SIPA1L1: variants seen among roughly 807,000 people sequenced by gnomAD.
SIPA1L1 encodes the protein signal-induced proliferation-associated 1-like protein 1.
In SIPA1L1, 26 loss-of-function variants were observed where a neutral mutation model predicts 162.7. The observed-to-expected ratio is 0.16, with a 90% CI of 0.12 to 0.22. SIPA1L1 has a LOEUF of 0.22. Among genes scored for constraint, SIPA1L1 ranks in the 10% least tolerant of loss-of-function variants. SIPA1L1 has a pLI of 1.00. For synonymous variants in SIPA1L1, 829 were observed against 837.4 expected, an observed-to-expected ratio of 0.99 and a Z score of 0.17; for missense variants, 1,874 against 2,241.0, an observed-to-expected ratio of 0.84 and a Z score of 3.31.
At chr14:71,666,904 T>G (rs2044065483) in intron 10 of SIPA1L1, among the ~76,000 whole-genome samples, 1 of 150,904 alleles carries the variant, frequency 6.6e-6, no homozygotes, top group Non-Finnish European at 1.5e-5. Flanking sequence ...TTTGCAAGCT[T>G]CAGCTGAGAA....
chr14:71,658,492 C>A (rs1003909947), intron 9 of SIPA1L1, 56 bp downstream of exon 9: 1 of 1,124,312 alleles, frequency 8.9e-7, no homozygotes. Flanking sequence ...CCTCTAGAAG[C>A]CTAAGTGGCA....
intron 2 of SIPA1L1, among the ~76,000 whole-genome samples, chr14:71,466,046 C>T (rs774239736): frequency 1.3e-5 from 2 of 152,196 alleles, no homozygotes; most frequent in Non-Finnish European, 2.9e-5. Context: ...TGGCAGCACC[C>T]TCACAGACAC....
At chr14:71,517,894 G>C (rs552580328) in intron 3 of SIPA1L1, among the ~76,000 whole-genome samples, 12 of 152,058 alleles carry the variant, frequency 7.9e-5, no homozygotes, top group Non-Finnish European at 1.6e-4. Context: ...CTTATATTTT[G>C]TTGATATGAT....
chr14:71,605,905 G>C (rs1408244872), intron 5 of SIPA1L1, among the ~76,000 whole-genome samples: 1 of 152,146 alleles, frequency 6.6e-6, no homozygotes, highest in African/African-American at 2.4e-5. Context: ...ACAGTTGTTG[G>C]AGTCCTGGGC....
intron 2 of SIPA1L1, among the ~76,000 whole-genome samples, chr14:71,429,847 T>C (rs995898095): frequency 2.6e-5 from 4 of 152,236 alleles, no homozygotes; most frequent in Admixed American, 6.5e-5. Context: ...GCTAGTTTTA[T>C]TCATTGCACT....
chr14:71,386,951 T>C (rs1035211250), intron 2 of SIPA1L1, among the ~76,000 whole-genome samples: 1 of 151,988 alleles, frequency 6.6e-6, no homozygotes, highest in Non-Finnish European at 1.5e-5. Flanking sequence ...TGGATAGATA[T>C]TAAAAGAAAG....
intron 5 of SIPA1L1, among the ~76,000 whole-genome samples, chr14:71,603,705 G>A (rs548017309): frequency 5.9e-5 from 9 of 151,806 alleles, no homozygotes; most frequent in African/African-American, 1.2e-4. Context: ...GGTGGATCAC[G>A]AGGTCAGGAG....
At chr14:71,390,688 A>G (rs576673953) in intron 2 of SIPA1L1, among the ~76,000 whole-genome samples, 110 of 152,210 alleles carry the variant, frequency 7.2e-4, no homozygotes, top group Admixed American at 6.0e-3. Flanking sequence ...GGGAGGCAGG[A>G]ATGGGAGGAT....
chr14:71,372,534 T>C (rs550970985), intron 2 of SIPA1L1, among the ~76,000 whole-genome samples: 1 of 152,314 alleles, frequency 6.6e-6, no homozygotes, highest in East Asian at 1.9e-4. Flanking sequence ...TAAATATTCA[T>C]GTACATTCTG....
intron 4 of SIPA1L1, among the ~76,000 whole-genome samples, chr14:71,543,992 TAC>T (rs146237984): frequency 0.031 from 4,615 of 150,554 alleles, 247 homozygotes; most frequent in African/African-American, 0.11. Flanking sequence ...CATGTATATA[TAC>T]ACACACGCAC....
chr14:71,553,590 A>G (rs564608113), intron 4 of SIPA1L1, among the ~76,000 whole-genome samples: 50 of 152,358 alleles, frequency 3.3e-4, no homozygotes, highest in African/African-American at 1.1e-3. Context: ...AGGAAATGCT[A>G]ACAGTATAAT....
intron 4 of SIPA1L1, among the ~76,000 whole-genome samples, chr14:71,549,965 C>T (rs1443980256): frequency 1.3e-5 from 2 of 152,076 alleles, no homozygotes; most frequent in Non-Finnish European, 2.9e-5. Flanking sequence ...AAGCTTTGGA[C>T]AAGGCGAAGG....
intron 7 of SIPA1L1, among the ~76,000 whole-genome samples, chr14:71,634,087 G>A (rs2040867105): frequency 6.6e-6 from 1 of 151,206 alleles, no homozygotes; most frequent in African/African-American, 2.4e-5. Context: ...AGAAGCAAAA[G>A]ATAAATGACA....
At chr14:71,651,143 T>G (rs2042585943) in intron 8 of SIPA1L1, among the ~76,000 whole-genome samples, 1 of 152,246 alleles carries the variant, frequency 6.6e-6, no homozygotes. Flanking sequence ...AAGTTGTCAG[T>G]AAAATAGTTA....
intron 2 of SIPA1L1, among the ~76,000 whole-genome samples, chr14:71,481,348 G>A (rs555994961): frequency 4.6e-5 from 7 of 152,122 alleles, no homozygotes; most frequent in Non-Finnish European, 7.3e-5. Flanking sequence ...ACATGGTAGT[G>A]CATGCTTGTG....
intron 18 of SIPA1L1, among the ~76,000 whole-genome samples, chr14:71,724,129 G>C (rs938410564): frequency 6.6e-6 from 1 of 152,210 alleles, no homozygotes; most frequent in East Asian, 1.9e-4. Context: ...CTTGAAAAGA[G>C]TGTGTTTGAA....
chr14:71,458,757 A>G (rs1303561360), intron 2 of SIPA1L1, among the ~76,000 whole-genome samples: 1 of 152,014 alleles, frequency 6.6e-6, no homozygotes, highest in African/African-American at 2.4e-5. Flanking sequence ...TAACCATTTC[A>G]CTACCGGTGT....
At chr14:71,625,212 A>G (rs935848305) in intron 7 of SIPA1L1, among the ~76,000 whole-genome samples, 22 of 152,198 alleles carry the variant, frequency 1.4e-4, no homozygotes, top group Non-Finnish European at 3.2e-4. Context: ...GAGAGTCCAA[A>G]AAATCAGTTT....
chr14:71,594,067 C>T (rs1182190438), intron 5 of SIPA1L1, among the ~76,000 whole-genome samples: 1 of 152,144 alleles, frequency 6.6e-6, no homozygotes. Flanking sequence ...CCTTCCTTCT[C>T]CTCCTCCTCC....
Sources: gnomAD v4.1 joint callset for allele counts (sites outside exome capture counted in the v4.1 genomes callset) on GRCh38, gnomAD v4.1.1 for gene constraint, MANE v1.5 for transcripts, NCBI Gene and HGNC (gene_info 2026-07-23, HGNC 2026-07-21) for gene names.